Variants in P4HA3 observed in about 807,000 individuals in gnomAD.
The protein encoded by P4HA3 is prolyl 4-hydroxylase subunit alpha 3.
In P4HA3, 60 loss-of-function variants were observed where a neutral mutation model predicts 66.7. That is an observed-to-expected ratio of 0.90 (90% CI 0.73 to 1.12). The LOEUF is 1.12. Among genes scored for constraint, P4HA3 ranks in the 50% most tolerant of loss-of-function variants. The probability of loss-of-function intolerance (pLI) is 0.00; values close to 1 mark genes in which losing one functional copy is unlikely to be tolerated. For synonymous variants in P4HA3, 263 were observed against 274.6 expected (o/e 0.96, Z 0.42); for missense variants, 683 against 685.8 (o/e 1.00, Z 0.05).
chr11:74,278,127 A>G (rs1251944973), intron 8 of P4HA3, among the ~76,000 whole-genome samples: 1 of 152,256 alleles, frequency 6.6e-6, no homozygotes, highest in Admixed American at 6.5e-5. Flanking sequence ...TGGGAAGCAC[A>G]GAGGAAGGAG....
chr11:74,289,449 TTTA>T (rs1189915773), intron 4 of P4HA3, among the ~76,000 whole-genome samples: 57 of 152,174 alleles, frequency 3.7e-4, no homozygotes, highest in African/African-American at 1.3e-3. Context: ...TTCTTTTAAT[TTTA>T]TTATTATTAT....
intron 4 of P4HA3, among the ~76,000 whole-genome samples, chr11:74,293,542 C>T (rs536378134): frequency 2.8e-4 from 42 of 152,280 alleles, no homozygotes; most frequent in African/African-American, 6.5e-4. Context: ...TTCATAGCCT[C>T]GATGGTCTTT....
At chr11:74,300,742 T>C (rs574854523) in intron 3 of P4HA3, among the ~76,000 whole-genome samples, 23 of 152,306 alleles carry the variant, frequency 1.5e-4, no homozygotes, top group African/African-American at 5.3e-4. Context: ...TGAAGCTTAT[T>C]CTGTGAGTTG....
At position 74,289,115 on chromosome 11, in the gene P4HA3, A is replaced by G; in HGVS notation, c.733T>C (p.Cys245Arg). 6.3e-7 allele frequency: 1 copy of G among 1,586,046 alleles called. No homozygotes were observed. Among genetic ancestry groups the G allele is most frequent in the Non-Finnish European group, 8.6e-7 (1 of 1,167,736 alleles). ...AACTCCCGAGAGAGGCTGAGGGCACACGAAACATTTCCTGCCTGTTAAAAA... is the reference window on the plus strand; with the variant it reads ...AACTCCCGAGAGAGGCTGAGGGCACGCGAAACATTTCCTGCCTGTTAAAAA... ...FAYFRAGNVS[C>R]ALSLSREFLL... The change falls in exon 5 of 13, where the codon TGT (cysteine) becomes CGT (arginine). Residue 245 changes from cysteine (C) to arginine (R), a missense_variant. Transcript: ENST00000331597.
intron 3 of P4HA3, among the ~76,000 whole-genome samples, chr11:74,300,102 T>C (rs1171748689): frequency 1.3e-5 from 2 of 152,108 alleles, no homozygotes; most frequent in African/African-American, 4.8e-5. Context: ...CCTATGTCAA[T>C]AAATAAATAT....
intron 4 of P4HA3, 37 bp from the exon 5 acceptor site, chr11:74,289,167 T>C: frequency 6.7e-7 from 1 of 1,482,984 alleles, no homozygotes; most frequent in Non-Finnish European, 9.1e-7. Context: ...AAGCATTAAC[T>C]TCACTGAGGA....
At chr11:74,263,504 A>T (rs1859942549), downstream of P4HA3, among the ~76,000 whole-genome samples, 1 of 152,216 alleles carries the variant, frequency 6.6e-6, no homozygotes, top group Admixed American at 6.5e-5. Context: ...TTGGTGACAG[A>T]TTGACATGGA....
intron 7 of P4HA3, among the ~76,000 whole-genome samples, chr11:74,283,263 G>A (rs1274874156): frequency 6.6e-6 from 1 of 152,098 alleles, no homozygotes; most frequent in Non-Finnish European, 1.5e-5. Context: ...TCTCTGGGTG[G>A]GTCACTTCTC....
chr11:74,287,958 G>A (rs1860856419), intron 5 of P4HA3, among the ~76,000 whole-genome samples: 1 of 152,126 alleles, frequency 6.6e-6, no homozygotes, highest in African/African-American at 2.4e-5. Context: ...AGAGGCTATA[G>A]TGAGCCAAGA....
intron 3 of P4HA3, 23 bp downstream of exon 3, chr11:74,302,339 AGCAATTG>A: frequency 6.4e-7 from 1 of 1,568,236 alleles, no homozygotes; most frequent in Non-Finnish European, 8.7e-7. Flanking sequence ...ACCAGAGCCA[AGCAATTG>A]GCCCTCTCTT....
intron 2 of P4HA3, 141 bp from the exon 3 acceptor site, chr11:74,302,733 T>C (rs1159699159): frequency 5.5e-6 from 4 of 732,744 alleles, no homozygotes; most frequent in Non-Finnish European, 8.8e-6. Flanking sequence ...GCAAGCACAG[T>C]TCCTGGCACA....
At chr11:74,253,535 A>C in intron 15 of P4HA3, 1 of 1,595,378 alleles carries the variant, frequency 6.3e-7, no homozygotes, top group Non-Finnish European at 8.6e-7. Flanking sequence ...CCCCTCCTCA[A>C]CATCGAGCTC....
intron 1 of P4HA3, among the ~76,000 whole-genome samples, chr11:74,306,606 C>T (rs949047629): frequency 2.0e-5 from 3 of 152,172 alleles, no homozygotes; most frequent in African/African-American, 7.2e-5. Context: ...TGGGCGACTT[C>T]TGCGAGGAGA....
intron 7 of P4HA3, among the ~76,000 whole-genome samples, chr11:74,281,485 C>G (rs1451234120): frequency 4.6e-5 from 7 of 152,078 alleles, no homozygotes; most frequent in African/African-American, 9.7e-5. Context: ...AAATGTCCAA[C>G]AATGATAGAC....
At chr11:74,299,787 C>G (rs1408975653) in intron 3 of P4HA3, among the ~76,000 whole-genome samples, 1 of 151,790 alleles carries the variant, frequency 6.6e-6, no homozygotes, top group African/African-American at 2.4e-5. Context: ...GGGTGTTAAT[C>G]ATAGTAACCT....
intron 7 of P4HA3, among the ~76,000 whole-genome samples, chr11:74,284,582 A>C (rs73550751): frequency 0.051 from 7,726 of 151,782 alleles, 505 homozygotes; most frequent in African/African-American, 0.15. Flanking sequence ...ATTATAACTA[A>C]ATTTTTCCTT....
intron 15 of P4HA3, chr11:74,253,480 G>T (rs576628052): frequency 6.2e-7 from 1 of 1,604,908 alleles, no homozygotes; most frequent in Non-Finnish European, 8.5e-7. Context: ...TTCTCTTTCT[G>T]TTCTTCCACA....
chr11:74,308,240 C>A (rs1390938528), intron 1 of P4HA3, among the ~76,000 whole-genome samples: 2 of 152,102 alleles, frequency 1.3e-5, no homozygotes, highest in Non-Finnish European at 2.9e-5. Context: ...AGGCTGGGCA[C>A]GGTAGCTCAT....
intron 15 of P4HA3, among the ~76,000 whole-genome samples, chr11:74,252,161 T>A (rs1401552859): frequency 2.1e-5 from 3 of 145,450 alleles, no homozygotes; most frequent in African/African-American, 7.8e-5. Context: ...CTCTGCCACC[T>A]GGGCTCAAGT....
Sources: allele counts gnomAD v4.1 joint callset (sites outside exome capture counted in the v4.1 genomes callset), GRCh38; gene constraint gnomAD v4.1.1; transcripts MANE v1.5; gene names NCBI Gene and HGNC (gene_info 2026-07-23, HGNC 2026-07-21).